Variants in VPS28 observed in about 807,000 individuals in gnomAD.
The protein encoded by VPS28 is vacuolar protein sorting-associated protein 28 homolog.
In VPS28, 29 loss-of-function variants were observed where a neutral mutation model predicts 33.7. The observed-to-expected ratio is 0.86, with a 90% CI of 0.64 to 1.17. The LOEUF (loss-of-function observed/expected upper bound fraction) is 1.17. Among genes scored for constraint, VPS28 ranks in the 50% most tolerant of loss-of-function variants. The pLI, the probability that VPS28 is intolerant of heterozygous loss-of-function variation, is 0.00. For synonymous variants in VPS28, 164 were observed against 116.7 expected (o/e 1.40, Z -2.61); for missense variants, 247 against 312.2 (o/e 0.79, Z 1.57).
chr8:144,424,476 T>A, intron 7 of VPS28: 2 of 808,750 alleles, frequency 2.5e-6, no homozygotes, highest in Non-Finnish European at 3.8e-6. Context: ...ACACCCACAC[T>A]CTCTCCCGAG....
intron 2 of VPS28, chr8:144,426,616 G>A (rs934206990): frequency 2.1e-6 from 1 of 477,854 alleles, no homozygotes; most frequent in Non-Finnish European, 3.8e-6. Context: ...GTGCCAACAA[G>A]GCTCACCACA....
rs191313048 is a variant in VPS28, at chr8:144,426,958, G to T, written c.-13C>A. 7.5e-6 allele frequency: 12 copies of T among 1,604,244 alleles called. No individual in the cohort carries two copies. The highest frequency in any genetic ancestry group is 1.1e-5 in the South Asian group (1 of 90,538). On this transcript the variant is annotated 5_prime_UTR_variant, in exon 2 of 10. Transcript: ENST00000292510. ...TCCCATGAAACATCCTCTAGGCTCT[G>T]GGGGGGGCACAGCACTGAGACCTGG...
In VPS28 at chr8:144,424,280, T is replaced by C. The variant is rs1564717473; in HGVS notation, c.403-12A>G. 1 of 1,593,378 alleles carries C rather than the reference T, an allele frequency of 6.3e-7. No homozygotes were observed. The highest frequency in any genetic ancestry group is 8.6e-7 in the Non-Finnish European group (1 of 1,169,088). On this transcript the variant is annotated splice_polypyrimidine_tract_variant and intron_variant, in intron 7 of 9. Transcript: ENST00000292510. ...ACCGTGATGAAGAGCTGGGGGCAGG[T>C]GTGCACATGAGGCTCGCGTGTCCAC...
chr8:144,426,257 A>G (rs1415026829), intron 2 of VPS28, 49 bp from the exon 3 acceptor site: 19 of 1,547,636 alleles, frequency 1.2e-5, no homozygotes, highest in Non-Finnish European at 1.6e-5. Context: ...AGGGAACCCA[A>G]GGGCAGACTC....
chr8:144,425,930 C>T (rs1564719745), intron 4 of VPS28, 96 bp downstream of exon 4: 2 of 1,474,584 alleles, frequency 1.4e-6, no homozygotes, highest in South Asian at 1.4e-5. Flanking sequence ...ACCCTGCGTC[C>T]TCCCACCCCT....
chr8:144,424,582 T>C, intron 7 of VPS28, 136 bp downstream of exon 7: 1 of 990,314 alleles, frequency 1.0e-6, no homozygotes, highest in Non-Finnish European at 1.5e-6. Context: ...CCCTCATTCC[T>C]AGTTAAAGGG....
rs781982468 is a variant in VPS28, at chr8:144,424,956, C to A, written c.290G>T (p.Arg97Leu). The change falls in exon 6 of 10, where the codon CGC becomes CTC. Residue 97 changes from arginine (R) to leucine (L), a missense_variant. Physicochemically the swap from Arg to Leu is moderately radical, Grantham distance 102 (BLOSUM62 -2). Around this residue, in one of 3 missense-constraint regions of VPS28, gnomAD observed 149 missense variants for 172.8 expected, o/e 0.86. Transcript: ENST00000292510. ...SEISSIDEFCRKFRLDCPLAM... is the reference protein window; with the variant it reads ...SEISSIDEFCLKFRLDCPLAM... ...GGACCAGGCACTCACGCGGAACTTG[C>A]GGCAGAATTCGTCAATAGAGCTGAT... is the stretch of plus-strand genomic sequence containing the variant. 1.3e-6 allele frequency: 2 copies of A among 1,572,968 alleles called. No homozygotes were observed. The highest frequency in any genetic ancestry group is 1.7e-6 in the Non-Finnish European group (2 of 1,158,210).
chr8:144,424,185 C>T (rs1822556377), intron 8 of VPS28, 30 bp downstream of exon 8: 1 of 1,574,492 alleles, frequency 6.4e-7, no homozygotes. Flanking sequence ...CCCCTCCTGC[C>T]TAGGCCCCCT....
chr8:144,424,861 A>G, intron 6 of VPS28, 42 bp from the exon 7 acceptor site: 1 of 1,612,940 alleles, frequency 6.2e-7, no homozygotes, highest in Non-Finnish European at 8.5e-7. Context: ...CAGGACAGCA[A>G]GCCCCAGGTG....
chr8:144,424,873 C>T, intron 6 of VPS28, 54 bp from the exon 7 acceptor site: 2 of 1,612,484 alleles, frequency 1.2e-6, no homozygotes, highest in South Asian at 2.2e-5. Flanking sequence ...CCCCAGGTGG[C>T]CAGAGCCCTC....
chr8:144,424,120 G>C lies in VPS28; in HGVS notation c.469C>G (p.Leu157Val). ...IRAMDEIQPD[L>V]RELMETMHRM... ...TGCATGGTCTCCATCAGCTCTCGCA[G>C]GTCGGGCTGGATCTGAGACACACAC... Residue 157 changes from leucine to valine, a missense_variant, in exon 9 of 10, where the codon CTG becomes GTG. By Grantham distance (32) the Leu-to-Val change is conservative. Around this residue, in one of 3 missense-constraint regions of VPS28, gnomAD observed 95 missense variants for 118.3 expected, o/e 0.80. Transcript: ENST00000292510. The C allele has an allele frequency of 1.3e-6, 2 of 1,549,590 alleles. No homozygotes were observed. The highest frequency in any genetic ancestry group is 1.7e-6 in the Non-Finnish European group (2 of 1,144,424).
chr8:144,426,337 C>T, intron 2 of VPS28, 129 bp from the exon 3 acceptor site: 1 of 1,290,410 alleles, frequency 7.7e-7, no homozygotes, highest in Non-Finnish European at 1.0e-6. Context: ...CCAGAGGGAG[C>T]TGGAGCACAG....
intron 2 of VPS28, chr8:144,426,442 C>T: frequency 1.9e-6 from 1 of 531,724 alleles, no homozygotes; most frequent in Non-Finnish European, 3.2e-6. Flanking sequence ...CTCCCCAGCT[C>T]CACTGCGGCT....
Position 144,426,954 on chromosome 8 carries a change from C to T in VPS28, c.-9G>A, listed in dbSNP as rs782757994. On this transcript the variant is annotated 5_prime_UTR_variant, in exon 2 of 10. Coordinates refer to ENST00000292510, the MANE Select transcript of VPS28 (RefSeq NM_016208.4). ...GGGATCCCATGAAACATCCTCTAGG[C>T]TCTGGGGGGGGCACAGCACTGAGAC... The T allele has an allele frequency of 2.5e-5, 40 of 1,612,262 alleles. No homozygotes were observed. In the South Asian group the frequency reaches 4.3e-4, roughly 17 times the overall value.
intron 7 of VPS28, 197 bp downstream of exon 7, chr8:144,424,521 C>T (rs567985123): frequency 1.3e-6 from 1 of 790,078 alleles, no homozygotes; most frequent in Non-Finnish European, 2.0e-6. Context: ...CTGTGCTCAT[C>T]CCCCCGACAG....
At chr8:144,426,473 G>A (rs1005581458) in intron 2 of VPS28, 27 of 496,188 alleles carry the variant, frequency 5.4e-5, no homozygotes, top group African/African-American at 5.0e-4. Flanking sequence ...CCGCATGACA[G>A]GCCCAGCTCC....
In VPS28 at chr8:144,425,650, C is replaced by T; in HGVS notation, c.194+33G>A. 3 of 1,610,942 alleles carry T rather than the reference C, an allele frequency of 1.9e-6. No homozygotes were observed. The East Asian group carries it at 6.7e-5, about 36-fold the overall frequency. On this transcript the variant is annotated intron_variant, in intron 5 of 9. Transcript: ENST00000292510. ...TATGGAGCACCCAAGCCCCCCAGGG[C>T]AGGAACAGACCTCCCAGGACGTGGG...
chr8:144,424,269 C>G lies in VPS28; in HGVS notation c.403-1G>C. On this transcript the variant is annotated splice_acceptor_variant, in intron 7 of 9. Transcript: ENST00000292510. LOFTEE classifies it high-confidence loss of function. ...GCTTGTCCATGACCGTGATGAAGAG[C>G]TGGGGGCAGGTGTGCACATGAGGCT... is the stretch of plus-strand genomic sequence containing the variant. 1 of 1,602,352 alleles carries G rather than the reference C, an allele frequency of 6.2e-7. No individual in the cohort carries two copies. Among genetic ancestry groups the G allele is most frequent in the Non-Finnish European group, 8.5e-7 (1 of 1,173,412 alleles).
At chr8:144,425,113 C>G in intron 5 of VPS28, 62 bp from the exon 6 acceptor site, 3 of 1,463,498 alleles carry the variant, frequency 2.0e-6, no homozygotes, top group Non-Finnish European at 1.9e-6. Flanking sequence ...ATCCTACCCC[C>G]TCGGCTGGTC....
Sources: allele counts gnomAD v4.1 joint callset, GRCh38; gene constraint gnomAD v4.1.1; regional missense constraint gnomAD v4.1.1; transcripts MANE v1.5; gene names NCBI Gene and HGNC (gene_info 2026-07-23, HGNC 2026-07-21).